The following UQCRB variants were observed in gnomAD, a reference collection of about 807,000 sequenced individuals.
UQCRB encodes the protein ubiquinol-cytochrome c reductase binding protein.
In UQCRB, 12 loss-of-function variants were observed where a neutral mutation model predicts 19.8. That is an observed-to-expected ratio of 0.61 (90% CI 0.39 to 0.98). The LOEUF is 0.98. Among genes scored for constraint, UQCRB ranks in the 50% least tolerant of loss-of-function variants. UQCRB has a pLI of 0.00. For synonymous variants in UQCRB, 39 were observed against 42.9 expected, an observed-to-expected ratio of 0.91 and a Z score of 0.35; for missense variants, 142 against 131.8, an observed-to-expected ratio of 1.08 and a Z score of -0.38.
rs774345497 is a variant in UQCRB, at chr8:96,235,499, CCCA to C, written c.19+10_19+12del. The C allele has an allele frequency of 6.2e-7, 1 of 1,614,210 alleles. No homozygotes were observed. On this transcript the variant is annotated intron_variant, in intron 1 of 3. Coordinates refer to ENST00000287022, the MANE Select transcript of UQCRB (RefSeq NM_006294.5). ...CGCGACGATGCCGGCCAAGAAGACC[CCCA>C]GTTACTTACCGGCCTGCTTACCAGC...
chr8:96,231,988 G>A (rs755322780), intron 2 of UQCRB, 48 bp from the exon 3 acceptor site: 41 of 1,599,218 alleles, frequency 2.6e-5, no homozygotes, highest in East Asian at 1.8e-4. Context: ...CAAAAATCGC[G>A]GTTTTTTTAA....
Position 96,227,516 on chromosome 8 carries a change from T to C in UQCRB, c.*3539A>G, listed in dbSNP as rs1379710338. ...CTTTCTAACCATCCCTCTCTGATAC[T>C]GTCCCTCCTAAAATCCATGCTTCCT... On this transcript the variant is annotated 3_prime_UTR_variant, in exon 4 of 4. Coordinates refer to ENST00000287022, the MANE Select transcript of UQCRB (RefSeq NM_006294.5). The C allele has an allele frequency of 2.2e-6, 1 of 454,182 alleles. No homozygotes were observed. The highest frequency in any genetic ancestry group is 2.3e-5 in the Admixed American group (1 of 42,582). The allele number at this position is 454,182 out of a possible 1,614,324, so 28.1% of individuals were successfully genotyped here.
At position 96,223,983 on chromosome 8, in the gene UQCRB, G is replaced by A. The variant is rs1253017956; in HGVS notation, c.*7072C>T. ...GAACTAGTGTGGTCTCCTGGAGTCTGACTCTGGGGCATGAGTTAGCTTACC... is the reference window on the plus strand; with the variant it reads ...GAACTAGTGTGGTCTCCTGGAGTCTAACTCTGGGGCATGAGTTAGCTTACC... On this transcript the variant is annotated 3_prime_UTR_variant, in exon 4 of 4. Transcript: ENST00000287022. Among the ~76,000 whole-genome samples the A allele has an allele frequency of 6.6e-6, 1 of 152,154 alleles. No individual in the cohort carries two copies. Among genetic ancestry groups the A allele is most frequent in the Non-Finnish European group, 1.5e-5 (1 of 68,034 alleles).
rs1809692189 is a variant in UQCRB at position 96,232,114 on chromosome 8, G to C, written c.92-174C>G. On this transcript the variant is annotated intron_variant, in intron 2 of 3. Coordinates refer to ENST00000287022, the MANE Select transcript of UQCRB (RefSeq NM_006294.5). ...TCATACATTATAGGTTGGTGCAAAA[G>C]TAATTGCAGTTTTGCCATTAAAAGT... is the stretch of plus-strand genomic sequence containing the variant. The C allele has an allele frequency of 2.0e-5, 13 of 653,344 alleles. No individual in the cohort carries two copies. In the South Asian group the frequency reaches 2.5e-4, roughly 13 times the overall value. 40.5% of individuals were successfully genotyped at this position (653,344 alleles called of 1,614,324 possible).
At chr8:96,234,312 T>C (rs1809747508) in intron 1 of UQCRB, 1 of 328,854 alleles carries the variant, frequency 3.0e-6, no homozygotes, top group Admixed American at 4.0e-5. Flanking sequence ...TCAGTGACTA[T>C]AATAATATTC....
At chr8:96,231,300 T>C (rs1223564591) in intron 3 of UQCRB, 168 bp from the exon 4 acceptor site, 8 of 1,553,912 alleles carry the variant, frequency 5.1e-6, no homozygotes, top group Non-Finnish European at 7.0e-6. Context: ...AAATCTGTGG[T>C]GATGGTGTGA....
rs1193806309 is a variant in UQCRB, at chr8:96,228,158, A to G, written c.*2897T>C. 2.2e-6 allele frequency: 1 copy of G among 454,106 alleles called. No homozygotes were observed. The highest frequency in any genetic ancestry group is 2.0e-5 in the African/African-American group (1 of 50,140). The allele number at this position is 454,106 out of a possible 1,614,324, so 28.1% of individuals were successfully genotyped here. ...TCTGTTTTTTTGCAAAGTATAGTAAAACAAACAAACAGAACATAGACCACT... is the reference window on the plus strand; with the variant it reads ...TCTGTTTTTTTGCAAAGTATAGTAAGACAAACAAACAGAACATAGACCACT... On this transcript the variant is annotated 3_prime_UTR_variant, in exon 4 of 4. Coordinates refer to ENST00000287022, the MANE Select transcript of UQCRB (RefSeq NM_006294.5).
intron 1 of UQCRB, 62 bp downstream of exon 1, chr8:96,235,450 C>T: frequency 6.2e-7 from 1 of 1,613,124 alleles, no homozygotes; most frequent in Non-Finnish European, 8.5e-7. Context: ...ACGGAGCAAG[C>T]TGCAGCAAAA....
chr8:96,232,108 G>T, intron 2 of UQCRB, 168 bp from the exon 3 acceptor site: 1 of 678,376 alleles, frequency 1.5e-6, no homozygotes, highest in Non-Finnish European at 2.5e-6. Context: ...ATAGGTTGGT[G>T]CAAAAGTAAT....
chr8:96,232,902 A>T (rs1809709319), intron 2 of UQCRB: 1 of 397,488 alleles, frequency 2.5e-6, no homozygotes, highest in African/African-American at 2.1e-5. Context: ...TAGAAGGAAA[A>T]TGTCTTACTA....
At chr8:96,231,275 G>T in intron 3 of UQCRB, 143 bp from the exon 4 acceptor site, 1 of 1,568,562 alleles carries the variant, frequency 6.4e-7, no homozygotes, top group Non-Finnish European at 8.7e-7. Flanking sequence ...AGAACTATCT[G>T]CTTTTTAAAA....
rs1374215745 is a variant in UQCRB, at chr8:96,229,776, A to AT, written c.*1278_*1279insA. 3 of 453,106 alleles carry AT rather than the reference A, an allele frequency of 6.6e-6. No homozygotes were observed. The highest frequency in any genetic ancestry group is 4.7e-5 in the Admixed American group (2 of 42,448). 28.1% of individuals were successfully genotyped at this position (453,106 alleles called of 1,614,324 possible). On this transcript the variant is annotated 3_prime_UTR_variant, in exon 4 of 4. Transcript: ENST00000287022. Reference sequence around the variant, plus strand: ...AACGACCAGCGAAAGGAAAAAAAAAAGCGGGGGAGGGGGTTCCTAGAGAAT... The same window carrying AT: ...AACGACCAGCGAAAGGAAAAAAAAAATGCGGGGGAGGGGGTTCCTAGAGAAT...
At position 96,231,028 on chromosome 8, in the gene UQCRB, C is replaced by T. The variant is rs373052991; in HGVS notation, c.*27G>A. The stretch of plus-strand genomic sequence containing the variant: ...TCAAGTTTAACCATCTTCATAACAG[C>T]TGCATCCACAGACTTCAACTACATG... On this transcript the variant is annotated 3_prime_UTR_variant, in exon 4 of 4. Transcript: ENST00000287022. 401 of 1,599,964 alleles carry T rather than the reference C, an allele frequency of 2.5e-4. No individual in the cohort carries two copies. Among genetic ancestry groups the T allele is most frequent in the Admixed American group, 3.2e-4 (19 of 60,014 alleles).
At chr8:96,231,673 G>T in intron 3 of UQCRB, 101 bp downstream of exon 3, 1 of 1,525,866 alleles carries the variant, frequency 6.6e-7, no homozygotes, top group Non-Finnish European at 9.1e-7. Context: ...TATTTGACAT[G>T]ACTCAGAGAA....
At position 96,227,323 on chromosome 8, in the gene UQCRB, G is replaced by A; in HGVS notation, c.*3732C>T. The A allele has an allele frequency of 2.2e-6, 1 of 454,126 alleles. No individual in the cohort carries two copies. The highest frequency in any genetic ancestry group is 4.4e-6 in the Non-Finnish European group (1 of 226,782). 28.1% of individuals were successfully genotyped at this position (454,126 alleles called of 1,614,324 possible). On this transcript the variant is annotated 3_prime_UTR_variant, in exon 4 of 4. Transcript: ENST00000287022. ...GGTGTTGTCATCCTGAAAAATGAAG[G>A]AGGGGAGGGAGTTGGTGGGGCGCAG... is the stretch of plus-strand genomic sequence containing the variant.
At chr8:96,235,456 C>CA in intron 1 of UQCRB, 56 bp downstream of exon 1, 1 of 1,613,886 alleles carries the variant, frequency 6.2e-7, no homozygotes. Context: ...CAAGCTGCAG[C>CA]AAAAATAAAC....
At position 96,229,197 on chromosome 8, in the gene UQCRB, A is replaced by G. The variant is rs1809599297; in HGVS notation, c.*1858T>C. 2 of 453,980 alleles carry G rather than the reference A, an allele frequency of 4.4e-6. No homozygotes were observed. The highest frequency in any genetic ancestry group is 1.4e-4 in the East Asian group (2 of 14,406). The allele number at this position is 453,980 out of a possible 1,614,324, so 28.1% of individuals were successfully genotyped here. Reference sequence around the variant, plus strand: ...GGCATACACTTTGGCTTTAGGAAGAACTCTTACAAAATCAGAGGTTGCCTT... The same window carrying G: ...GGCATACACTTTGGCTTTAGGAAGAGCTCTTACAAAATCAGAGGTTGCCTT... On this transcript the variant is annotated 3_prime_UTR_variant, in exon 4 of 4. Coordinates refer to ENST00000287022, the MANE Select transcript of UQCRB (RefSeq NM_006294.5).
chr8:96,234,403 A>G, intron 1 of UQCRB: 1 of 811,040 alleles, frequency 1.2e-6, no homozygotes, highest in Non-Finnish European at 1.8e-6. Context: ...CTGTTACTAC[A>G]GAAGGGGAAG....
intron 1 of UQCRB, chr8:96,235,068 T>C (rs561835789): frequency 7.0e-6 from 2 of 283,818 alleles, no homozygotes; most frequent in East Asian, 1.8e-4. Context: ...CTTATCAGCG[T>C]AAAAGGGAAA....
Sources: allele counts gnomAD v4.1 joint callset (sites outside exome capture counted in the v4.1 genomes callset), GRCh38; gene constraint gnomAD v4.1.1; transcripts MANE v1.5; gene names NCBI Gene and HGNC (gene_info 2026-07-23, HGNC 2026-07-21).